The following P4HB variants were observed in gnomAD, a reference collection of about 807,000 sequenced individuals.
P4HB encodes prolyl 4-hydroxylase subunit beta.
In P4HB, 20 loss-of-function variants were observed where a neutral mutation model predicts 52.6. The ratio of observed to expected loss-of-function variants is 0.38; its 90% CI spans 0.27 to 0.55. The LOEUF is 0.55. P4HB is among the 20% of genes least tolerant of loss of function. The pLI, the probability that P4HB is intolerant of heterozygous loss-of-function variation, is 0.74. For missense variants in P4HB, 601 were observed against 669.2 expected (o/e 0.90, Z 1.12); for synonymous variants, 296 against 277.9 (o/e 1.07, Z -0.65).
chr17:81,845,535 C>T (rs2038720738), intron 9 of P4HB, 26 bp downstream of exon 9: 5 of 1,564,570 alleles, frequency 3.2e-6, no homozygotes, highest in Middle Eastern at 3.4e-4. Context: ...GAGCCCGCCC[C>T]AGCCCCGTCT....
rs758374436 is a variant in P4HB at position 81,855,544 on chromosome 17, C to A, written c.395G>T (p.Arg132Leu). The A allele has an allele frequency of 6.8e-6, 11 of 1,613,848 alleles. No individual in the cohort carries two copies. Among genetic ancestry groups the A allele is most frequent in the South Asian group, 4.4e-5 (4 of 91,084 alleles). Residue 132 changes from arginine (R) to leucine (L), a missense_variant, in exon 3 of 11, where the codon CGC (arginine) becomes CTC (leucine). Physicochemically the swap from Arg to Leu is moderately radical, Grantham distance 102. Transcript: ENST00000331483. The surrounding 1 kb of genome is among the most constrained non-coding windows in gnomAD (Gnocchi z 4.3). ...CAGGGTGGTGGCAGCCGGGCCCGTG[C>A]GCTTCTTCAGCCAGTTCACGATGTC... ...ADDIVNWLKK[R>L]TGPAATTLPD... is the part of the protein sequence containing the mutation.
chr17:81,858,390 G>A (rs968689437), intron 2 of P4HB, among the ~76,000 whole-genome samples: 1 of 151,846 alleles, frequency 6.6e-6, no homozygotes, highest in Admixed American at 6.6e-5. Flanking sequence ...AAACAGCCAA[G>A]TGAGAGGCAA....
At chr17:81,854,886 A>G (rs2038889246) in intron 4 of P4HB, among the ~76,000 whole-genome samples, 1 of 132,774 alleles carries the variant, frequency 7.5e-6, no homozygotes, top group Non-Finnish European at 1.5e-5. Flanking sequence ...ATCATAATTG[A>G]AAAAAAAAAA....
intron 2 of P4HB, among the ~76,000 whole-genome samples, chr17:81,858,363 G>A (rs1235858035): frequency 1.3e-5 from 2 of 151,674 alleles, no homozygotes; most frequent in Admixed American, 6.6e-5. Context: ...TGCTTAAGGG[G>A]ACAAAAGGAA....
Position 81,860,513 on chromosome 17 carries a change from G to A in P4HB, c.-42C>T, listed in dbSNP as rs1005985301. 61 of 1,235,452 alleles carry A rather than the reference G, an allele frequency of 4.9e-5. No individual in the cohort carries two copies. In the East Asian group the frequency reaches 1.3e-3, roughly 26 times the overall value. The allele number at this position is 1,235,452 out of a possible 1,614,324, so 76.5% of individuals were successfully genotyped here. ...GCGGGGCGCTTCGGTTGGCGCCGCC[G>A]GGACAGCGGGGGCGACGAGAGCGCG... On this transcript the variant is annotated 5_prime_UTR_variant, in exon 1 of 11. Transcript: ENST00000331483.
chr17:81,851,162 C>T (rs2038825467), intron 4 of P4HB, among the ~76,000 whole-genome samples: 1 of 151,876 alleles, frequency 6.6e-6, no homozygotes, highest in South Asian at 2.1e-4. Flanking sequence ...GATCTCCTGA[C>T]CTCGTGACCC....
chr17:81,852,120 CT>C (rs1412071344), intron 4 of P4HB, among the ~76,000 whole-genome samples: 8 of 152,196 alleles, frequency 5.3e-5, no homozygotes, highest in African/African-American at 1.9e-4. Context: ...GAGGTCGAAG[CT>C]GCAGTGAAGT....
chr17:81,847,294 C>T lies in P4HB; in HGVS notation c.678G>A (p.Leu226=). The change falls in exon 5 of 11, where the codon CTG becomes CTA. Residue 226 remains leucine (L), a synonymous_variant. Coordinates refer to ENST00000331483, the MANE Select transcript of P4HB (RefSeq NM_000918.4). ...GCAGCTGGTTGTGTTTGATAAAGTC[C>T]AGCAGGTTCTCCTTGGTGACCTCCC... ...FEGEVTKENL[L]DFIKHNQLPL... 1.2e-6 allele frequency: 2 copies of T among 1,614,174 alleles called. No homozygotes were observed. The highest frequency in any genetic ancestry group is 8.5e-7 in the Non-Finnish European group (1 of 1,180,036).
At chr17:81,854,459 T>C (rs559092198) in intron 4 of P4HB, among the ~76,000 whole-genome samples, 32 of 151,730 alleles carry the variant, frequency 2.1e-4, no homozygotes, top group African/African-American at 7.7e-4. Flanking sequence ...AGAGGATCAC[T>C]TGAGCCTGGG....
rs1227014139 is a variant in P4HB at position 81,846,120 on chromosome 17, C to A, written c.1057-129G>T. 1 of 1,179,888 alleles carries A rather than the reference C, an allele frequency of 8.5e-7. No homozygotes were observed. 73.1% of individuals were successfully genotyped at this position (1,179,888 alleles called of 1,614,324 possible). A position where few individuals can be genotyped will look rare whatever the true frequency, so the allele number is the denominator to read the frequency against. ...CACACCAGGGTGGCAGCCGCAGACACCAACAGTGCCAAGAATCCAGAAAGA... is the reference window on the plus strand; with the variant it reads ...CACACCAGGGTGGCAGCCGCAGACAACAACAGTGCCAAGAATCCAGAAAGA... On this transcript the variant is annotated intron_variant, in intron 7 of 10. Coordinates refer to ENST00000331483, the MANE Select transcript of P4HB (RefSeq NM_000918.4). This position sits in a 1 kb window ranked among gnomAD's most constrained non-coding sequence, Gnocchi z 5.7.
chr17:81,845,089 G>T, intron 10 of P4HB, 55 bp downstream of exon 10: 1 of 1,367,030 alleles, frequency 7.3e-7, no homozygotes, highest in Non-Finnish European at 1.0e-6. Flanking sequence ...GGCATGTCCC[G>T]TGGGGCCAAG....
At chr17:81,853,594 A>G (rs1266613331) in intron 4 of P4HB, among the ~76,000 whole-genome samples, 1 of 151,962 alleles carries the variant, frequency 6.6e-6, no homozygotes, top group Non-Finnish European at 1.5e-5. Context: ...AAAGAAAAAA[A>G]AAAAGAAAGT....
Position 81,860,317 on chromosome 17 carries a change from C to G in P4HB, c.145+10G>C. On this transcript the variant is annotated intron_variant, in intron 1 of 10. Transcript: ENST00000331483. Reference sequence around the variant, plus strand: ...CCGAGCCCCGCCCGCCCGCCAGGCCCGGCGCTCACAGAACTCCACCAGCAG... The same window carrying G: ...CCGAGCCCCGCCCGCCCGCCAGGCCGGGCGCTCACAGAACTCCACCAGCAG... 6.9e-7 allele frequency: 1 copy of G among 1,451,170 alleles called. No homozygotes were observed. 89.9% of individuals were successfully genotyped at this position (1,451,170 alleles called of 1,614,324 possible).
rs982665490 is a variant in P4HB, at chr17:81,849,265, C to T, written c.625-1918G>A. Among the ~76,000 whole-genome samples, 7 of 152,138 alleles carry T rather than the reference C, an allele frequency of 4.6e-5. No homozygotes were observed. The East Asian group carries it at 1.2e-3, about 25-fold the overall frequency. On this transcript the variant is annotated intron_variant, in intron 4 of 10. Transcript: ENST00000331483. ...ATCCTAGTACTTTGGGAGGCTGAGG[C>T]GGGCGGATCACCTGAAGCCAGGAGT...
At chr17:81,844,381 C>T (rs181550855) in intron 10 of P4HB, among the ~76,000 whole-genome samples, 3 of 152,198 alleles carry the variant, frequency 2.0e-5, no homozygotes, top group South Asian at 2.1e-4. Context: ...GCATGGAAGG[C>T]GTATGTGTGT....
At chr17:81,849,979 C>T (rs2038802965) in intron 4 of P4HB, among the ~76,000 whole-genome samples, 1 of 151,934 alleles carries the variant, frequency 6.6e-6, no homozygotes, top group African/African-American at 2.4e-5. Flanking sequence ...AGGCACCCGC[C>T]ACCACGCCTG....
intron 4 of P4HB, among the ~76,000 whole-genome samples, chr17:81,849,589 C>G (rs2143332347): frequency 6.6e-6 from 1 of 152,310 alleles, no homozygotes; most frequent in East Asian, 1.9e-4. Flanking sequence ...AAGGCGCAAT[C>G]CACGTGCCTG....
chr17:81,845,835 G>T (rs1265419998), intron 8 of P4HB, 36 bp downstream of exon 8: 3 of 1,613,870 alleles, frequency 1.9e-6, no homozygotes, highest in Non-Finnish European at 2.5e-6. Flanking sequence ...GTGCCCTGGT[G>T]GCACGGACCT....
chr17:81,845,848 G>A, intron 8 of P4HB, 23 bp downstream of exon 8: 1 of 1,614,054 alleles, frequency 6.2e-7, no homozygotes, highest in South Asian at 1.1e-5. Context: ...ACGGACCTGG[G>A]GAGCTGAAAG....
Sources: gnomAD v4.1 joint callset for allele counts (sites outside exome capture counted in the v4.1 genomes callset) on GRCh38, gnomAD v4.1.1 for gene constraint, Gnocchi (gnomAD v3.1) non-coding constraint, MANE v1.5 for transcripts, NCBI Gene and HGNC (gene_info 2026-07-23, HGNC 2026-07-21) for gene names.